The following CENPP variants were observed in gnomAD, a reference collection of about 807,000 sequenced individuals.
CENPP encodes the protein centromere protein P.
Under a neutral mutation model 35.6 loss-of-function variants are expected in CENPP, and 24 were observed. That is an observed-to-expected ratio of 0.67 (90% CI 0.49 to 0.95). The LOEUF is 0.95. Among genes scored for constraint, CENPP ranks in the 40% least tolerant of loss-of-function variants. The pLI, the probability that CENPP is intolerant of heterozygous loss-of-function variation, is 0.00. For missense variants in CENPP, 332 were observed against 345.3 expected, an observed-to-expected ratio of 0.96 and a Z score of 0.31; for synonymous variants, 120 against 125.5, an observed-to-expected ratio of 0.96 and a Z score of 0.29.
intron 5 of CENPP, chr9:92,385,873 T>C: frequency 7.4e-7 from 1 of 1,355,244 alleles, no homozygotes; most frequent in Non-Finnish European, 1.0e-6. Context: ...GAAACCTAAG[T>C]CAGAGGTCTG....
chr9:92,445,610 G>A (rs974315348), intron 5 of CENPP, among the ~76,000 whole-genome samples: 4 of 152,120 alleles, frequency 2.6e-5, no homozygotes, highest in Non-Finnish European at 4.4e-5. Flanking sequence ...TTGGCCGGGC[G>A]TGGTAGCTCA....
Position 92,415,046 on chromosome 9 carries a change from T to A in CENPP, c.564+35187T>A, listed in dbSNP as rs1252695663. The A allele has an allele frequency of 4.9e-6, 4 of 820,842 alleles. No individual in the cohort carries two copies. The East Asian group carries it at 1.1e-4, about 23-fold the overall frequency. The allele number at this position is 820,842 out of a possible 1,614,324, so 50.8% of individuals were successfully genotyped here. Reference sequence around the variant, plus strand: ...AAATTCAATTCTGATCTTATACTAATACATAATTCTAAATATATTACTTTG... The same window carrying A: ...AAATTCAATTCTGATCTTATACTAAAACATAATTCTAAATATATTACTTTG... On this transcript the variant is annotated intron_variant, in intron 5 of 7. Coordinates refer to ENST00000375587, the MANE Select transcript of CENPP (RefSeq NM_001012267.3).
intron 5 of CENPP, among the ~76,000 whole-genome samples, chr9:92,603,971 G>GCATT (rs1410269235): frequency 2.0e-5 from 3 of 152,212 alleles, no homozygotes; most frequent in African/African-American, 7.2e-5. Flanking sequence ...GGGCTGATGT[G>GCATT]CATTCTTAAA....
intron 5 of CENPP, among the ~76,000 whole-genome samples, chr9:92,555,358 CT>C (rs981527632): frequency 1.3e-5 from 2 of 150,602 alleles, no homozygotes; most frequent in African/African-American, 2.4e-5. Context: ...TCCCGAGTAG[CT>C]GGGATTACAG....
chr9:92,439,979 C>A (rs1410746472), intron 5 of CENPP, among the ~76,000 whole-genome samples: 1 of 152,256 alleles, frequency 6.6e-6, no homozygotes, highest in East Asian at 1.9e-4. Context: ...TTGAGTTACC[C>A]ATGGTCAACC....
chr9:92,386,271 T>A (rs757247264), intron 5 of CENPP: 3 of 1,613,284 alleles, frequency 1.9e-6, no homozygotes, highest in African/African-American at 2.7e-5. Flanking sequence ...ATGGTCCAAG[T>A]AGAGGAAGGT....
intron 5 of CENPP, chr9:92,414,493 T>A (rs1344353061): frequency 4.8e-6 from 1 of 209,516 alleles, no homozygotes; most frequent in Admixed American, 5.9e-5. Context: ...GCTTTATAAT[T>A]TTGTTGTTTT....
chr9:92,378,149 G>A (rs1842165527), intron 4 of CENPP, among the ~76,000 whole-genome samples: 1 of 152,184 alleles, frequency 6.6e-6, no homozygotes, highest in East Asian at 1.9e-4. Context: ...AGCAGTACCC[G>A]ATTGGGAGGT....
At chr9:92,395,126 G>A (rs1468121323) in intron 5 of CENPP, among the ~76,000 whole-genome samples, 1 of 151,832 alleles carries the variant, frequency 6.6e-6, no homozygotes, top group Non-Finnish European at 1.5e-5. Context: ...CCCATGAAAC[G>A]TTCACTACAA....
chr9:92,603,035 C>T lies in CENPP; in HGVS notation c.565-8279C>T, dbSNP rs141074252. Among the ~76,000 whole-genome samples, 187 of 152,252 alleles carry T rather than the reference C, an allele frequency of 1.2e-3. 1 individual carries two copies. Among genetic ancestry groups the T allele is most frequent in the Non-Finnish European group, 1.7e-3 (117 of 68,020 alleles). ...CGATCTCTTGACCTCGTGATCCGCT[C>T]GCCTTGGCCTCCCAAAGTGCTGGGA... On this transcript the variant is annotated intron_variant, in intron 5 of 7. Transcript: ENST00000375587.
chr9:92,592,086 GACACATATACATGTATAAATGTAT>G (rs2131376623), intron 5 of CENPP, among the ~76,000 whole-genome samples: 1 of 151,568 alleles, frequency 6.6e-6, no homozygotes, highest in East Asian at 1.9e-4. Flanking sequence ...AGCATATATA[GACACATATACATGTATAAATGTAT>G]ACACTTATAC....
At position 92,619,318 on chromosome 9, in the gene CENPP, G is replaced by C. The variant is rs1851547618; in HGVS notation, c.*6169G>C. 3.4e-6 allele frequency: 2 copies of C among 594,530 alleles called. No individual in the cohort carries two copies. Among genetic ancestry groups the C allele is most frequent in the Admixed American group, 5.4e-5 (2 of 37,006 alleles). The allele number at this position is 594,530 out of a possible 1,614,324, so 36.8% of individuals were successfully genotyped here. Reference sequence around the variant, plus strand: ...CTTTTGACTGAATTACAAGCTTCTAGAGGGCGAGAGTTAGTAAGCCCCATG... The same window carrying C: ...CTTTTGACTGAATTACAAGCTTCTACAGGGCGAGAGTTAGTAAGCCCCATG... On this transcript the variant is annotated 3_prime_UTR_variant, in exon 8 of 8. Coordinates refer to ENST00000375587, the MANE Select transcript of CENPP (RefSeq NM_001012267.3).
chr9:92,400,214 G>A (rs557502399), intron 5 of CENPP, among the ~76,000 whole-genome samples: 9 of 152,102 alleles, frequency 5.9e-5, no homozygotes, highest in African/African-American at 2.2e-4. Context: ...ACAATGGCAC[G>A]ACCTCGGCTC....
chr9:92,411,043 CG>C (rs1164959559), intron 5 of CENPP, among the ~76,000 whole-genome samples: 1 of 151,976 alleles, frequency 6.6e-6, no homozygotes, highest in Non-Finnish European at 1.5e-5. Context: ...GGTGCAATCT[CG>C]GCTCACTGCA....
At position 92,591,677 on chromosome 9, in the gene CENPP, T is replaced by C. The variant is rs371437814; in HGVS notation, c.565-19637T>C. On this transcript the variant is annotated intron_variant, in intron 5 of 7. Transcript: ENST00000375587. ...TCTGTCTGCGATGTTTCATTTATGG[T>C]CACTGTTCTCTAGGATAAGATAAAT... is the stretch of plus-strand genomic sequence containing the variant. Among the ~76,000 whole-genome samples the C allele has an allele frequency of 3.9e-5, 6 of 152,112 alleles. No homozygotes were observed. In the East Asian group the frequency reaches 7.7e-4, roughly 20 times the overall value.
intron 5 of CENPP, among the ~76,000 whole-genome samples, chr9:92,605,358 A>AT (rs200294700): frequency 0.064 from 9,249 of 145,162 alleles, 339 homozygotes; most frequent in East Asian, 0.099. Flanking sequence ...ATTGAAATTC[A>AT]TTTTTTTTTT....
intron 2 of CENPP, among the ~76,000 whole-genome samples, chr9:92,334,845 G>A (rs935078955): frequency 8.0e-5 from 12 of 150,752 alleles, no homozygotes; most frequent in African/African-American, 2.2e-4. Context: ...GCACCACTGC[G>A]CTTCAGCCTT....
chr9:92,607,898 C>A (rs1231869209), intron 5 of CENPP, among the ~76,000 whole-genome samples: 6 of 152,240 alleles, frequency 3.9e-5, no homozygotes, highest in Non-Finnish European at 7.3e-5. Context: ...TTACAGCCAT[C>A]TTTCTATCAT....
At chr9:92,564,207 A>G (rs937197559) in intron 5 of CENPP, among the ~76,000 whole-genome samples, 1 of 151,862 alleles carries the variant, frequency 6.6e-6, no homozygotes, top group Admixed American at 6.6e-5. Context: ...GCCAACATGG[A>G]GATACCCCAT....
Sources: gnomAD v4.1 joint callset for allele counts (sites outside exome capture counted in the v4.1 genomes callset) on GRCh38, gnomAD v4.1.1 for gene constraint, MANE v1.5 for transcripts, NCBI Gene and HGNC (gene_info 2026-07-23, HGNC 2026-07-21) for gene names.